NUP210L: variants seen among roughly 807,000 people sequenced by gnomAD.
NUP210L encodes nucleoporin 210 like, also known as nuclear pore membrane glycoprotein 210-like.
Under a neutral mutation model 208.5 loss-of-function variants are expected in NUP210L, and 74 were observed. The observed-to-expected ratio is 0.35, with a 90% confidence interval of 0.29 to 0.43. The LOEUF (loss-of-function observed/expected upper bound fraction) is 0.43, where lower values mean the gene tolerates loss of function less well. Among genes scored for constraint, NUP210L ranks in the 20% least tolerant of loss-of-function variants. The probability of loss-of-function intolerance (pLI) is 1.00; values close to 1 mark genes in which losing one functional copy is unlikely to be tolerated. For synonymous variants in NUP210L, 780 were observed against 816.9 expected (o/e 0.95, Z 0.77); for missense variants, 1,843 against 2,289.4 (o/e 0.81, Z 3.98).
intron 28 of NUP210L, among the ~76,000 whole-genome samples, chr1:154,028,967 C>T (rs868843340): frequency 1.3e-5 from 2 of 151,326 alleles, no homozygotes; most frequent in South Asian, 2.1e-4. Context: ...TGGTGGTGCA[C>T]GCCTGTAATC....
chr1:154,020,782 C>T (rs1002758293), intron 32 of NUP210L, among the ~76,000 whole-genome samples: 1 of 151,866 alleles, frequency 6.6e-6, no homozygotes, highest in Non-Finnish European at 1.5e-5. Flanking sequence ...GCTTCAGCCT[C>T]CCAAAGTGCT....
chr1:154,138,182 T>C, exon 6 of NUP210L: 1 of 1,544,146 alleles, frequency 6.5e-7, no homozygotes, highest in Non-Finnish European at 8.6e-7. Flanking sequence ...TATCATGGGA[T>C]GGTATAAGAA....
At chr1:154,118,329 G>GAAAGA (rs1657436350) in intron 11 of NUP210L, among the ~76,000 whole-genome samples, 1 of 151,910 alleles carries the variant, frequency 6.6e-6, no homozygotes, top group Non-Finnish European at 1.5e-5. Flanking sequence ...AAGAAAGAAA[G>GAAAGA]AAAGAAAAGA....
intron 18 of NUP210L, 32 bp from the exon 19 acceptor site, chr1:154,061,078 T>A: frequency 6.8e-7 from 1 of 1,473,212 alleles, no homozygotes; most frequent in Non-Finnish European, 9.5e-7. Flanking sequence ...CAAAAGTGAA[T>A]ATAAACATCT....
intron 37 of NUP210L, 107 bp downstream of exon 37, chr1:154,000,749 C>T (rs1296820420): frequency 1.1e-6 from 1 of 915,420 alleles, no homozygotes; most frequent in African/African-American, 1.6e-5. Flanking sequence ...CCGTGGTTGA[C>T]AGTTAAGTGA....
chr1:154,100,014 G>A (rs1399873927), exon 14 of NUP210L: 1 of 1,614,008 alleles, frequency 6.2e-7, no homozygotes, highest in Admixed American at 1.7e-5. Flanking sequence ...GGGTTCATAA[G>A]CAGCAAATGT....
chr1:154,009,624 TAA>T (rs35760411), intron 35 of NUP210L, among the ~76,000 whole-genome samples: 9,517 of 55,688 alleles, frequency 0.17, 1,148 homozygotes, highest in African/African-American at 0.39. Flanking sequence ...ACGTTGCTCT[TAA>T]AAAAAAAAAA....
At chr1:154,030,111 T>A in intron 27 of NUP210L, 57 bp from the exon 28 acceptor site, 1 of 1,167,004 alleles carries the variant, frequency 8.6e-7, no homozygotes, top group Non-Finnish European at 1.2e-6. Flanking sequence ...GTGTCCTTCC[T>A]TTTTTTTTCA....
At chr1:154,006,942 G>A (rs1387222803) in intron 35 of NUP210L, among the ~76,000 whole-genome samples, 3 of 101,352 alleles carry the variant, frequency 3.0e-5, no homozygotes, top group African/African-American at 1.0e-4. Flanking sequence ...GTGTGTGTGT[G>A]TGTGTATATA....
intron 12 of NUP210L, among the ~76,000 whole-genome samples, chr1:154,110,600 T>C (rs1164686317): frequency 1.3e-5 from 2 of 151,588 alleles, no homozygotes; most frequent in East Asian, 3.9e-4. Flanking sequence ...AAAAGTTGGC[T>C]GGACACAGTG....
At chr1:154,014,072 T>G (rs902187492) in intron 33 of NUP210L, among the ~76,000 whole-genome samples, 4 of 152,142 alleles carry the variant, frequency 2.6e-5, no homozygotes, top group African/African-American at 9.7e-5. Flanking sequence ...GCCCTTAATA[T>G]TTTAAATTTA....
intron 12 of NUP210L, among the ~76,000 whole-genome samples, chr1:154,112,761 TG>T: frequency 6.7e-6 from 1 of 148,186 alleles, no homozygotes; most frequent in Non-Finnish European, 1.5e-5. Flanking sequence ...AAAGCTCGGG[TG>T]GGAAGATTGG....
intron 25 of NUP210L, among the ~76,000 whole-genome samples, chr1:154,048,767 G>A (rs1473075888): frequency 6.6e-6 from 1 of 152,204 alleles, no homozygotes; most frequent in Non-Finnish European, 1.5e-5. Flanking sequence ...GGGATGATAG[G>A]ATTACTTCTA....
chr1:154,014,344 A>G (rs1651124744), intron 33 of NUP210L, among the ~76,000 whole-genome samples: 1 of 152,138 alleles, frequency 6.6e-6, no homozygotes, highest in Non-Finnish European at 1.5e-5. Context: ...TGTAGCATCT[A>G]ACACCACAAC....
chr1:154,086,706 G>T (rs2148040143), intron 16 of NUP210L, among the ~76,000 whole-genome samples: 1 of 152,038 alleles, frequency 6.6e-6, no homozygotes, highest in African/African-American at 2.4e-5. Flanking sequence ...CAGCCACTTA[G>T]GAGGCTGAGG....
intron 12 of NUP210L, among the ~76,000 whole-genome samples, chr1:154,112,578 C>T (rs1657095279): frequency 6.6e-6 from 1 of 151,980 alleles, no homozygotes; most frequent in African/African-American, 2.4e-5. Context: ...TATACACCTA[C>T]CACGTACACC....
At chr1:154,113,502 T>G (rs1163137991) in intron 12 of NUP210L, among the ~76,000 whole-genome samples, 2 of 151,986 alleles carry the variant, frequency 1.3e-5, no homozygotes, top group African/African-American at 4.8e-5. Flanking sequence ...TAAAAGGTTG[T>G]AAAATAAAAC....
At chr1:154,133,776 G>C (rs540413251) in intron 7 of NUP210L, among the ~76,000 whole-genome samples, 1 of 152,140 alleles carries the variant, frequency 6.6e-6, no homozygotes, top group South Asian at 2.1e-4. Flanking sequence ...GGAGTTTACA[G>C]GTTGCAGTGA....
chr1:154,043,173 C>T (rs1283227443), intron 27 of NUP210L, among the ~76,000 whole-genome samples: 2 of 150,316 alleles, frequency 1.3e-5, no homozygotes, highest in Middle Eastern at 3.2e-3. Flanking sequence ...GTGTGCGCCA[C>T]TATGCCCAGC....
Sources: gnomAD v4.1 joint callset for allele counts (sites outside exome capture counted in the v4.1 genomes callset) on GRCh38, gnomAD v4.1.1 for gene constraint, MANE v1.5 for transcripts, NCBI Gene and HGNC (gene_info 2026-07-23, HGNC 2026-07-21) for gene names.